The following NAV3 variants were observed in gnomAD, a reference collection of about 807,000 sequenced individuals.
The protein encoded by NAV3 is pore membrane and/or filament interacting like protein 1.
NAV3 carries 87 observed loss-of-function variants against 244.7 expected under a neutral mutation model. The ratio of observed to expected loss-of-function variants is 0.36; its 90% CI spans 0.30 to 0.42. The LOEUF is 0.42. Ranked by LOEUF, NAV3 falls within the 20% of genes least tolerant of loss-of-function variation. The pLI is 1.00. For missense variants in NAV3, 2,663 were observed against 2,893.3 expected (o/e 0.92, Z 1.83); for synonymous variants, 1,126 against 1,042.2 (o/e 1.08, Z -1.55).
chr12:77,800,803 A>C lies in NAV3; in HGVS notation c.73-139516A>C, dbSNP rs111430693. Among the ~76,000 whole-genome samples the C allele has an allele frequency of 2.3e-3, 357 of 152,202 alleles. 4 individuals are homozygous for C. The highest frequency in any genetic ancestry group is 8.3e-3 in the African/African-American group (346 of 41,556). On this transcript the variant is annotated intron_variant, in intron 2 of 8. Coordinates refer to the NAV3 transcript ENST00000550042. The stretch of plus-strand genomic sequence containing the variant: ...TGTAAGATAAAACACACAAACAGAA[A>C]ACTCCTCATTTCTTTCTATGCTTTT...
intron 9 of NAV3, among the ~76,000 whole-genome samples, chr12:78,028,974 A>T (rs1277610077): frequency 6.6e-6 from 1 of 152,120 alleles, no homozygotes; most frequent in East Asian, 1.9e-4. Context: ...TATGTGTGGA[A>T]AATTTTCAAA....
At chr12:77,755,053 A>G (rs1402481619) in intron 2 of NAV3, among the ~76,000 whole-genome samples, 1 of 152,180 alleles carries the variant, frequency 6.6e-6, no homozygotes, top group East Asian at 1.9e-4. Flanking sequence ...CCAAACCTGA[A>G]TAATTTAATT....
chr12:77,619,351 G>GA (rs1871271156), intron 2 of NAV3, among the ~76,000 whole-genome samples: 1 of 152,200 alleles, frequency 6.6e-6, no homozygotes, highest in African/African-American at 2.4e-5. Context: ...TTAAGGCCAT[G>GA]AATGATGTCA....
intron 7 of NAV3, among the ~76,000 whole-genome samples, chr12:78,003,478 C>G (rs1037250385): frequency 1.3e-5 from 2 of 152,158 alleles, no homozygotes; most frequent in Non-Finnish European, 2.9e-5. Flanking sequence ...TTTTTGTTGT[C>G]ACTTATTATA....
intron 2 of NAV3, among the ~76,000 whole-genome samples, chr12:77,680,295 G>A (rs1298486314): frequency 6.6e-6 from 1 of 152,154 alleles, no homozygotes; most frequent in East Asian, 1.9e-4. Context: ...CCAACCTAAT[G>A]CTGATTTTTT....
chr12:78,157,794 A>G (rs1282830465), intron 22 of NAV3, among the ~76,000 whole-genome samples: 1 of 151,738 alleles, frequency 6.6e-6, no homozygotes, highest in African/African-American at 2.4e-5. Context: ...TGTGAGAGAG[A>G]GAGAGAGAAG....
intron 3 of NAV3, among the ~76,000 whole-genome samples, chr12:77,941,702 T>C (rs1026591198): frequency 6.6e-6 from 1 of 152,126 alleles, no homozygotes; most frequent in African/African-American, 2.4e-5. Flanking sequence ...TATCAACCAA[T>C]AAAAACTTCA....
chr12:77,984,025 A>G (rs773097434), intron 5 of NAV3, among the ~76,000 whole-genome samples: 1 of 152,194 alleles, frequency 6.6e-6, no homozygotes, highest in Non-Finnish European at 1.5e-5. Flanking sequence ...TGCAGTGTTG[A>G]GATTTATGTT....
intron 2 of NAV3, among the ~76,000 whole-genome samples, chr12:77,584,906 T>C (rs1360385856): frequency 6.6e-6 from 1 of 152,192 alleles, no homozygotes; most frequent in African/African-American, 2.4e-5. Context: ...TTTGTAATAA[T>C]TATGCATGCC....
At chr12:77,768,663 G>T (rs920995778) in intron 2 of NAV3, among the ~76,000 whole-genome samples, 2 of 152,254 alleles carry the variant, frequency 1.3e-5, no homozygotes, top group African/African-American at 4.8e-5. Flanking sequence ...ACCTGTGGGG[G>T]CAGGGGGACT....
intron 28 of NAV3, 64 bp downstream of exon 28, chr12:78,177,749 T>C: frequency 1.4e-6 from 2 of 1,453,952 alleles, no homozygotes; most frequent in Non-Finnish European, 1.9e-6. Flanking sequence ...TAGTGTTTGC[T>C]TTTGCTTTTT....
rs184982416 is a variant in NAV3, at chr12:78,001,739, G to A, written c.880+3263G>A. 5.8e-4 allele frequency among the ~76,000 whole-genome samples: 88 copies of A among 152,322 alleles called. No homozygotes were observed. The East Asian group carries it at 0.016, about 28-fold the overall frequency. ...ATTGTAGTAGGTTATCATTGGCAGA[G>A]AAGGCTGAAATAGAAACGTTACAAT... On this transcript the variant is annotated intron_variant, in intron 7 of 39. Transcript: ENST00000397909.
rs372144461 is a variant in NAV3 at position 77,782,764 on chromosome 12, A to G, written c.73-157555A>G. ...TCCTAGTGAGCTTAAAGTAGTATCC[A>G]TATGTAATGGGAAAAAAATATCATG... On this transcript the variant is annotated intron_variant, in intron 2 of 8. Transcript: ENST00000550042. Among the ~76,000 whole-genome samples, 19 of 152,352 alleles carry G rather than the reference A, an allele frequency of 1.2e-4. No individual in the cohort carries two copies. In the East Asian group the frequency reaches 2.3e-3, roughly 19 times the overall value.
chr12:77,937,857 C>A (rs1181146303), intron 1 of NAV3, among the ~76,000 whole-genome samples: 1 of 152,168 alleles, frequency 6.6e-6, no homozygotes, highest in East Asian at 1.9e-4. Flanking sequence ...ATAATAATAG[C>A]AAGCATGTTT....
chr12:77,894,927 A>G (rs1308493361), intron 1 of NAV3, among the ~76,000 whole-genome samples: 1 of 152,224 alleles, frequency 6.6e-6, no homozygotes, highest in Non-Finnish European at 1.5e-5. Context: ...CAAATACAGC[A>G]TCTTTGGAGA....
intron 9 of NAV3, chr12:78,037,528 T>G (rs2137034462): frequency 1.7e-6 from 1 of 585,992 alleles, no homozygotes; most frequent in Admixed American, 3.1e-5. Flanking sequence ...TAAATTCCTG[T>G]TTCTTGAAGT....
chr12:77,732,958 G>A (rs894486879), intron 2 of NAV3, among the ~76,000 whole-genome samples: 2 of 152,038 alleles, frequency 1.3e-5, no homozygotes, highest in Non-Finnish European at 2.9e-5. Context: ...AGACATAAGA[G>A]AAACTGGTTC....
At chr12:78,126,901 A>C (rs941415758) in intron 16 of NAV3, among the ~76,000 whole-genome samples, 12 of 152,156 alleles carry the variant, frequency 7.9e-5, no homozygotes, top group Non-Finnish European at 1.2e-4. Context: ...ATTCAGAGGA[A>C]AATTATGCTA....
chr12:78,204,209 T>TG (rs1960047016), intron 38 of NAV3, among the ~76,000 whole-genome samples: 2 of 117,742 alleles, frequency 1.7e-5, no homozygotes, highest in Non-Finnish European at 3.5e-5. Flanking sequence ...TGTTGTGGGG[T>TG]GGGGCGGAGG....
Sources: allele counts gnomAD v4.1 joint callset (sites outside exome capture counted in the v4.1 genomes callset), GRCh38; gene constraint gnomAD v4.1.1; transcripts MANE v1.5; gene names NCBI Gene and HGNC (gene_info 2026-07-23, HGNC 2026-07-21).